Variants in PTPRD observed in about 807,000 individuals in gnomAD.
PTPRD encodes the protein receptor-type tyrosine-protein phosphatase delta.
A neutral mutation model predicts 214.5 loss-of-function variants in PTPRD; 34 were observed. The ratio of observed to expected loss-of-function variants is 0.16; its 90% CI spans 0.12 to 0.21. The LOEUF is 0.21. Among genes scored for constraint, PTPRD ranks in the 10% least tolerant of loss-of-function variants. The probability of loss-of-function intolerance (pLI) is 1.00; values close to 1 mark genes in which losing one functional copy is unlikely to be tolerated. For synonymous variants in PTPRD, 1,128 were observed against 845.7 expected, an observed-to-expected ratio of 1.33 and a Z score of -5.79; for missense variants, 2,545 against 2,398.7, an observed-to-expected ratio of 1.06 and a Z score of -1.27.
chr9:9,794,917 A>C (rs533497824), intron 5 of PTPRD, among the ~76,000 whole-genome samples: 1 of 152,238 alleles, frequency 6.6e-6, no homozygotes, highest in Non-Finnish European at 1.5e-5. Flanking sequence ...ATAACAGTTT[A>C]GAAGATGCTG....
chr9:9,667,013 T>G (rs549936153), intron 7 of PTPRD, among the ~76,000 whole-genome samples: 1 of 152,102 alleles, frequency 6.6e-6, no homozygotes, highest in Non-Finnish European at 1.5e-5. Flanking sequence ...AATATATTAC[T>G]TGGTTACCCT....
chr9:10,212,338 A>G (rs1378189792), intron 3 of PTPRD, among the ~76,000 whole-genome samples: 2 of 152,202 alleles, frequency 1.3e-5, no homozygotes, highest in East Asian at 3.9e-4. Context: ...GCAGCTAAGC[A>G]TAAACGTGTA....
chr9:8,412,861 C>T (rs1460283296), intron 35 of PTPRD, among the ~76,000 whole-genome samples: 1 of 152,156 alleles, frequency 6.6e-6, no homozygotes, highest in Non-Finnish European at 1.5e-5. Flanking sequence ...AAAAAGAGCA[C>T]AGCTGCATAT....
intron 11 of PTPRD, among the ~76,000 whole-genome samples, chr9:8,846,544 T>G (rs2097700404): frequency 6.6e-6 from 1 of 152,140 alleles, no homozygotes; most frequent in Admixed American, 6.5e-5. Context: ...GGAGGGAAAT[T>G]TTCTAGGAAG....
chr9:8,513,570 T>C (rs1180178916), intron 21 of PTPRD, among the ~76,000 whole-genome samples: 1 of 152,114 alleles, frequency 6.6e-6, no homozygotes, highest in Non-Finnish European at 1.5e-5. Flanking sequence ...CTTCAATTCC[T>C]ACATATTATT....
At chr9:9,807,657 G>T (rs562444363) in intron 5 of PTPRD, among the ~76,000 whole-genome samples, 4 of 152,028 alleles carry the variant, frequency 2.6e-5, no homozygotes, top group Non-Finnish European at 5.9e-5. Context: ...TATTCACTTC[G>T]GAAACAAAAG....
intron 11 of PTPRD, among the ~76,000 whole-genome samples, chr9:8,999,889 A>C (rs2099411042): frequency 6.6e-6 from 1 of 151,982 alleles, no homozygotes; most frequent in Non-Finnish European, 1.5e-5. Flanking sequence ...GATAAAGAAA[A>C]ATAAATCCTC....
At chr9:10,338,993 A>C (rs922238513) in intron 3 of PTPRD, among the ~76,000 whole-genome samples, 1 of 151,764 alleles carries the variant, frequency 6.6e-6, no homozygotes, top group Non-Finnish European at 1.5e-5. Context: ...AATTCAACTG[A>C]GCAAGAACAA....
At chr9:9,412,278 T>C (rs2075691115) in intron 8 of PTPRD, among the ~76,000 whole-genome samples, 1 of 152,210 alleles carries the variant, frequency 6.6e-6, no homozygotes, top group South Asian at 2.1e-4. Flanking sequence ...AAATTTGGTA[T>C]TTGTGGCAAG....
chr9:10,166,433 G>C (rs1483208517), intron 3 of PTPRD, among the ~76,000 whole-genome samples: 1 of 151,514 alleles, frequency 6.6e-6, no homozygotes, highest in African/African-American at 2.4e-5. Flanking sequence ...AAGAAGCTTT[G>C]GTGTCTGTCT....
intron 3 of PTPRD, among the ~76,000 whole-genome samples, chr9:10,336,168 G>T (rs1352102376): frequency 6.6e-6 from 1 of 151,842 alleles, no homozygotes; most frequent in South Asian, 2.1e-4. Flanking sequence ...TATTGATATG[G>T]TATGCTTCTA....
chr9:8,392,452 G>A (rs1391961150), intron 36 of PTPRD, among the ~76,000 whole-genome samples: 1 of 152,052 alleles, frequency 6.6e-6, no homozygotes, highest in African/African-American at 2.4e-5. Flanking sequence ...TTTGAGTCCA[G>A]GAAGTCAAGG....
At chr9:8,971,750 G>T (rs565322787) in intron 11 of PTPRD, among the ~76,000 whole-genome samples, 6 of 150,940 alleles carry the variant, frequency 4.0e-5, no homozygotes, top group Admixed American at 6.6e-5. Flanking sequence ...TATGTGGCAA[G>T]AATTATATAT....
chr9:8,957,066 A>G (rs1016802144), intron 11 of PTPRD, among the ~76,000 whole-genome samples: 25 of 151,862 alleles, frequency 1.6e-4, no homozygotes, highest in African/African-American at 6.0e-4. Flanking sequence ...TTCCTTTACC[A>G]CTGAATAGTC....
At position 8,986,970 on chromosome 9, in the gene PTPRD, C is replaced by A. The variant is rs190561651; in HGVS notation, c.-104+31727G>T. On this transcript the variant is annotated intron_variant, in intron 11 of 45. Coordinates refer to ENST00000381196, the MANE Select transcript of PTPRD (RefSeq NM_002839.4). Reference sequence around the variant, plus strand: ...ATGTGTGTATTACATATTAAAATTTCTTTTCCTGTGAATTGCTTGCTTCCT... The same window carrying A: ...ATGTGTGTATTACATATTAAAATTTATTTTCCTGTGAATTGCTTGCTTCCT... Among the ~76,000 whole-genome samples, 672 of 152,096 alleles carry A rather than the reference C, an allele frequency of 4.4e-3. 6 individuals carry two copies. Among genetic ancestry groups the A allele is most frequent in the African/African-American group, 0.015 (638 of 41,504 alleles).
chr9:8,934,452 TATATATATATAA>T (rs1567098393), intron 11 of PTPRD, among the ~76,000 whole-genome samples: 7 of 9,492 alleles, frequency 7.4e-4, no homozygotes, highest in Non-Finnish European at 1.3e-3. Context: ...TATATAAATT[TATATATATATAA>T]ATATATATAT....
chr9:9,023,493 T>C lies in PTPRD; in HGVS notation c.-142-4758A>G, dbSNP rs192458910. ...AAACACAATTATGAAATATGATTTT[T>C]CCATTTCCATTCTTCTATTTACACT... On this transcript the variant is annotated intron_variant, in intron 10 of 45. Transcript: ENST00000381196. Among the ~76,000 whole-genome samples, 202 of 152,214 alleles carry C rather than the reference T, an allele frequency of 1.3e-3. 1 individual carries two copies. The highest frequency in any genetic ancestry group is 4.6e-3 in the African/African-American group (192 of 41,550).
chr9:8,437,488 C>G (rs10977105), intron 34 of PTPRD, among the ~76,000 whole-genome samples: 1 of 152,100 alleles, frequency 6.6e-6, no homozygotes, highest in Non-Finnish European at 1.5e-5. Flanking sequence ...CCACGACTCA[C>G]TGACGATAAT....
chr9:8,962,912 T>A (rs773035402), intron 11 of PTPRD: 1 of 152,240 alleles, frequency 6.6e-6, no homozygotes, highest in Middle Eastern at 3.4e-3. Flanking sequence ...TAACCGGCAA[T>A]GTGGCTCTTA....
Sources: allele counts gnomAD v4.1 joint callset (sites outside exome capture counted in the v4.1 genomes callset), GRCh38; gene constraint gnomAD v4.1.1; transcripts MANE v1.5; gene names NCBI Gene and HGNC (gene_info 2026-07-23, HGNC 2026-07-21).